The following C4orf50 variants were observed in gnomAD, a reference collection of about 807,000 sequenced individuals.
C4orf50 encodes chromosome 4 open reading frame 50.
Under a neutral mutation model 77.2 loss-of-function variants are expected in C4orf50, and 80 were observed. The ratio of observed to expected loss-of-function variants is 1.04; its 90% confidence interval spans 0.87 to 1.25. The LOEUF is 1.25. C4orf50 is among the 50% of genes most tolerant of loss of function. C4orf50 has a pLI of 0.00. For synonymous variants in C4orf50, 532 were observed against 465.3 expected, an observed-to-expected ratio of 1.14 and a Z score of -1.84; for missense variants, 1,257 against 1,152.9, an observed-to-expected ratio of 1.09 and a Z score of -1.31.
At chr4:5,911,567 G>C (rs1716808345) in intron 7 of C4orf50, among the ~76,000 whole-genome samples, 2 of 152,196 alleles carry the variant, frequency 1.3e-5, no homozygotes, top group Non-Finnish European at 2.9e-5. Context: ...AAAACATGCA[G>C]AAAGGCCCAG....
At chr4:5,906,037 G>A (rs559182012) in intron 7 of C4orf50, among the ~76,000 whole-genome samples, 1 of 152,288 alleles carries the variant, frequency 6.6e-6, no homozygotes, top group Non-Finnish European at 1.5e-5. Flanking sequence ...AGGGGTAACA[G>A]TGGAGGCGCG....
rs373218607 is a variant in C4orf50, at chr4:5,962,114, C to T, written c.4276-2488G>A. 5.3e-5 allele frequency among the ~76,000 whole-genome samples: 8 copies of T among 152,284 alleles called. No individual in the cohort carries two copies. In the East Asian group the frequency reaches 9.6e-4, roughly 18 times the overall value. On this transcript the variant is annotated intron_variant, in intron 33 of 33. Transcript: ENST00000531445. ...CAGTGCTGGGAACCAGGAGCAGGTG[C>T]CGTGTACCTTCCAGAGAAACAGCCT...
At position 5,970,389 on chromosome 4, in the gene C4orf50, T is replaced by C. The variant is rs373487848; in HGVS notation, c.4105-2927A>G. 2.6e-4 allele frequency among the ~76,000 whole-genome samples: 40 copies of C among 152,270 alleles called. No individual in the cohort carries two copies. The South Asian group carries it at 8.1e-3, about 31-fold the overall frequency. ...GCAGAAGGAAAAGTGACCTCTGCCATGCCAGGCTGACCTCGTGGGATTTCC... is the reference window on the plus strand; with the variant it reads ...GCAGAAGGAAAAGTGACCTCTGCCACGCCAGGCTGACCTCGTGGGATTTCC... On this transcript the variant is annotated intron_variant, in intron 31 of 33. Coordinates refer to ENST00000531445, the Ensembl canonical transcript of C4orf50. The surrounding 1 kb of genome is among the most constrained non-coding windows in gnomAD (Gnocchi z 4.3).
At chr4:5,945,964 G>T (rs538184559) in intron 7 of C4orf50, among the ~76,000 whole-genome samples, 1 of 152,160 alleles carries the variant, frequency 6.6e-6, no homozygotes, top group Non-Finnish European at 1.5e-5. Flanking sequence ...CCAATGGGAG[G>T]CACAAGGAGA....
intron 25 of C4orf50, among the ~76,000 whole-genome samples, chr4:6,003,934 A>ATGG (rs1560598211): frequency 5.7e-3 from 135 of 23,692 alleles, no homozygotes; most frequent in Admixed American, 0.01. Context: ...GATGGTGATG[A>ATGG]TGGTGATGGT....
chr4:5,942,239 C>T (rs1311745053), intron 7 of C4orf50, among the ~76,000 whole-genome samples: 4 of 152,174 alleles, frequency 2.6e-5, no homozygotes, highest in African/African-American at 4.8e-5. Context: ...TCAATAGCAG[C>T]ATCCACAGTG....
chr4:6,003,860 G>A (rs111203609), intron 25 of C4orf50, among the ~76,000 whole-genome samples: 3,456 of 57,528 alleles, frequency 0.06, 168 homozygotes, highest in Middle Eastern at 0.18. Context: ...GGTGATGATG[G>A]TGATGGTGAT....
chr4:5,910,598 C>T (rs1003219830), intron 7 of C4orf50, among the ~76,000 whole-genome samples: 1 of 152,000 alleles, frequency 6.6e-6, no homozygotes, highest in Non-Finnish European at 1.5e-5. Context: ...AGAAAATGAC[C>T]CCACAATAAT....
chr4:5,982,385 A>G (rs757390682), intron 28 of C4orf50, among the ~76,000 whole-genome samples: 11 of 152,218 alleles, frequency 7.2e-5, no homozygotes, highest in Non-Finnish European at 1.3e-4. Context: ...TGTCTAGCAG[A>G]CATCATGAGC....
exon 28 of C4orf50, chr4:5,989,212 G>T: frequency 6.5e-7 from 1 of 1,535,952 alleles, no homozygotes; most frequent in South Asian, 1.2e-5. Context: ...GTGAAGTTTG[G>T]TGTTGTCATG....
At chr4:5,917,709 T>C (rs1717091451) in intron 7 of C4orf50, among the ~76,000 whole-genome samples, 1 of 152,154 alleles carries the variant, frequency 6.6e-6, no homozygotes, top group Admixed American at 6.5e-5. Flanking sequence ...GGCCAATTTC[T>C]GTATTTCTAC....
intron 7 of C4orf50, among the ~76,000 whole-genome samples, chr4:5,927,728 C>T (rs1717581802): frequency 6.6e-6 from 1 of 152,116 alleles, no homozygotes; most frequent in Non-Finnish European, 1.5e-5. Flanking sequence ...TGAGGCCTCC[C>T]CAGCCATGCA....
At chr4:5,941,830 A>G (rs1486012259) in intron 7 of C4orf50, among the ~76,000 whole-genome samples, 1 of 152,058 alleles carries the variant, frequency 6.6e-6, no homozygotes, top group African/African-American at 2.4e-5. Flanking sequence ...GCTTTTTCCA[A>G]TTTACAATGG....
intron 7 of C4orf50, among the ~76,000 whole-genome samples, chr4:5,936,157 C>T (rs1324339868): frequency 6.6e-6 from 1 of 151,744 alleles, no homozygotes; most frequent in African/African-American, 2.4e-5. Context: ...AAAGATCACA[C>T]GGCCTGGATT....
intron 28 of C4orf50, among the ~76,000 whole-genome samples, chr4:5,985,657 G>GA (rs1329910864): frequency 6.6e-6 from 1 of 151,978 alleles, no homozygotes; most frequent in Non-Finnish European, 1.5e-5. Context: ...GAGACAAATA[G>GA]AAAAAATAGT....
chr4:6,002,084 T>C (rs757393265), intron 25 of C4orf50, among the ~76,000 whole-genome samples: 1 of 152,092 alleles, frequency 6.6e-6, no homozygotes, highest in Admixed American at 6.5e-5. Context: ...TAGTTGAAAA[T>C]AGTGTTTTTG....
chr4:5,899,699 A>G (rs1218893176), intron 7 of C4orf50: 1 of 152,222 alleles, frequency 6.6e-6, no homozygotes, highest in African/African-American at 2.4e-5. Flanking sequence ...GGGGAGTGGA[A>G]AGAGACTATG....
Position 5,905,089 on chromosome 4 carries a change from C to G in C4orf50, c.*2475-6901G>C, listed in dbSNP as rs1716492591. On this transcript the variant is annotated intron_variant, in intron 7 of 7. Transcript: ENST00000324058. This position sits in a 1 kb window ranked among gnomAD's most constrained non-coding sequence, Gnocchi z 5.4. The stretch of plus-strand genomic sequence containing the variant: ...CAAAACTGTCAAGTAGGCATATGAC[C>G]CTCAAACAGACGAAGAAGAGGATGT... 1 of 152,184 alleles carries G rather than the reference C, an allele frequency of 6.6e-6. No homozygotes were observed. Among genetic ancestry groups the G allele is most frequent in the Non-Finnish European group, 1.5e-5 (1 of 68,036 alleles). The allele number at this position is 152,184 out of a possible 1,614,324, so 9.4% of individuals were successfully genotyped here.
chr4:5,928,363 TACACACACACACACATACAC>T (rs1278208642), intron 7 of C4orf50, among the ~76,000 whole-genome samples: 1 of 146,468 alleles, frequency 6.8e-6, no homozygotes, highest in Non-Finnish European at 1.5e-5. Context: ...CACACACACA[TACACACACACACACATACAC>T]ACACACACAC....
Sources: gnomAD v4.1 joint callset for allele counts (sites outside exome capture counted in the v4.1 genomes callset) on GRCh38, gnomAD v4.1.1 for gene constraint, Gnocchi (gnomAD v3.1) non-coding constraint, MANE v1.5 for transcripts, NCBI Gene and HGNC (gene_info 2026-07-23, HGNC 2026-07-21) for gene names.